Variants in TMEM132A observed in about 807,000 individuals in gnomAD.
TMEM132A encodes transmembrane protein 132A, also known as GRP78-binding protein.
Under a neutral mutation model 69.9 loss-of-function variants are expected in TMEM132A, and 48 were observed. That is an observed-to-expected ratio of 0.69 (90% CI 0.55 to 0.87). The LOEUF is 0.87. Ranked by LOEUF, TMEM132A falls within the 40% of genes least tolerant of loss-of-function variation. The pLI is 0.00. For missense variants in TMEM132A, 1,287 were observed against 1,407.2 expected (o/e 0.91, Z 1.37); for synonymous variants, 577 against 613.7 (o/e 0.94, Z 0.88).
chr11:60,931,104 G>C lies in TMEM132A; in HGVS notation c.1016+445G>C, dbSNP rs548759300. Among the ~76,000 whole-genome samples the C allele has an allele frequency of 2.0e-5, 3 of 152,310 alleles. No homozygotes were observed. In the East Asian group the frequency reaches 5.8e-4, roughly 29 times the overall value. On this transcript the variant is annotated intron_variant, in intron 5 of 10. Coordinates refer to ENST00000453848, the MANE Select transcript of TMEM132A (RefSeq NM_178031.3). ...ACTCAGTAGCCCCAGTTCGAATTCT[G>C]GTTCTGATGCTTTTGGGATGGGCAA...
In TMEM132A at chr11:60,927,438, G is replaced by A; in HGVS notation, c.315+20G>A. The stretch of plus-strand genomic sequence containing the variant: ...CAGCAGGTAAGGAGGGGGCACCGGG[G>A]ACTCTCAGGCTAACAGGACTCAGGG... On this transcript the variant is annotated intron_variant, in intron 2 of 10. Transcript: ENST00000453848. 6.2e-7 allele frequency: 1 copy of A among 1,600,012 alleles called. No individual in the cohort carries two copies. The highest frequency in any genetic ancestry group is 8.5e-7 in the Non-Finnish European group (1 of 1,172,424).
intron 7 of TMEM132A, chr11:60,932,982 T>C (rs1388946313): frequency 6.6e-6 from 1 of 152,288 alleles, no homozygotes; most frequent in Non-Finnish European, 1.5e-5. Flanking sequence ...AAGACTGGTA[T>C]GCAATGGCCA....
intron 7 of TMEM132A, 107 bp from the exon 8 acceptor site, chr11:60,933,435 C>T (rs926028767): frequency 5.7e-6 from 5 of 880,532 alleles, no homozygotes; most frequent in Middle Eastern, 3.5e-4. Context: ...CCACCCACCT[C>T]GGCCTCTCAG....
intron 8 of TMEM132A, chr11:60,934,212 G>C (rs1016233218): frequency 7.6e-6 from 3 of 394,760 alleles, no homozygotes; most frequent in South Asian, 8.2e-5. Context: ...GAGAGTGAGC[G>C]CCCCCAGGGT....
intron 8 of TMEM132A, 105 bp from the exon 9 acceptor site, chr11:60,934,383 G>A (rs1856544410): frequency 1.3e-5 from 14 of 1,089,820 alleles, no homozygotes; most frequent in Non-Finnish European, 1.7e-5. Context: ...AGCTGCTGGT[G>A]ATTAGGAGCC....
chr11:60,934,485 C>T lies in TMEM132A; in HGVS notation c.1560-3C>T. ...GGCCAGTCCCGGCCTCCCCGCCCTG[C>T]AGGCCTGCGGAACCCGCTGCAGAGG... On this transcript the variant is annotated splice_region_variant and splice_polypyrimidine_tract_variant and intron_variant, in intron 8 of 10. Coordinates refer to ENST00000453848, the MANE Select transcript of TMEM132A (RefSeq NM_178031.3). The T allele has an allele frequency of 7.2e-7, 1 of 1,380,034 alleles. No individual in the cohort carries two copies. The highest frequency in any genetic ancestry group is 9.3e-7 in the Non-Finnish European group (1 of 1,074,418). 85.5% of individuals were successfully genotyped at this position (1,380,034 alleles called of 1,614,324 possible).
At chr11:60,934,973 G>T (rs1856556940) in intron 9 of TMEM132A, among the ~76,000 whole-genome samples, 1 of 152,206 alleles carries the variant, frequency 6.6e-6, no homozygotes, top group Admixed American at 6.5e-5. Flanking sequence ...AAGGGCTGAG[G>T]TGTGGGTAGT....
chr11:60,927,388 G>A lies in TMEM132A; in HGVS notation c.285G>A (p.Arg95=). 6.2e-7 allele frequency: 1 copy of A among 1,613,206 alleles called. No homozygotes were observed. The highest frequency in any genetic ancestry group is 8.5e-7 in the Non-Finnish European group (1 of 1,179,828). ...GGCCCAGGGCCCAGCCACTTCTCCGGGCCTCCTACCCACCTTTTGCCACTC... is the reference window on the plus strand; with the variant it reads ...GGCCCAGGGCCCAGCCACTTCTCCGAGCCTCCTACCCACCTTTTGCCACTC... ...QPWPRAQPLL[R]ASYPPFATQQ... The change falls in exon 2 of 11, where the codon CGG becomes CGA. Residue 95 remains arginine, a synonymous_variant. Transcript: ENST00000453848.
rs1856450128 is a variant in TMEM132A at position 60,930,432 on chromosome 11, C to A, written c.867-78C>A. On this transcript the variant is annotated intron_variant, in intron 4 of 10. Coordinates refer to ENST00000453848, the MANE Select transcript of TMEM132A (RefSeq NM_178031.3). ...AGCCAGGGAGGTCAGATGGCTTTGG[C>A]TCCTTGTCTTTCCCCTTCAATCCAG... 4 of 1,479,760 alleles carry A rather than the reference C, an allele frequency of 2.7e-6. No individual in the cohort carries two copies. The South Asian group carries it at 5.5e-5, about 20-fold the overall frequency. 91.7% of individuals were successfully genotyped at this position (1,479,760 alleles called of 1,614,324 possible).
At chr11:60,931,212 A>G (rs376507371) in intron 5 of TMEM132A, among the ~76,000 whole-genome samples, 20 of 152,366 alleles carry the variant, frequency 1.3e-4, no homozygotes, top group African/African-American at 4.6e-4. Context: ...TGCATCCCTT[A>G]GCATTTTTGA....
Position 60,935,206 on chromosome 11 carries a change from T to A in TMEM132A, c.1837-46T>A. 2.0e-6 allele frequency: 3 copies of A among 1,536,784 alleles called. No homozygotes were observed. The highest frequency in any genetic ancestry group is 1.8e-6 in the Non-Finnish European group (2 of 1,131,084). ...CACCCGGTTCCCTCTGGGTGGGGGCTGTCTGTATGGAAGGCCCCCCACCTC... is the reference window on the plus strand; with the variant it reads ...CACCCGGTTCCCTCTGGGTGGGGGCAGTCTGTATGGAAGGCCCCCCACCTC... On this transcript the variant is annotated intron_variant, in intron 9 of 10. Coordinates refer to ENST00000453848, the MANE Select transcript of TMEM132A (RefSeq NM_178031.3). This position sits in a 1 kb window ranked among gnomAD's most constrained non-coding sequence, Gnocchi z 5.0.
intron 7 of TMEM132A, 199 bp from the exon 8 acceptor site, chr11:60,933,343 C>G (rs960263310): frequency 1.7e-6 from 1 of 584,948 alleles, no homozygotes; most frequent in African/African-American, 1.9e-5. Context: ...CCACCACACC[C>G]GGCTGATTTA....
rs751189846 is a variant in TMEM132A at position 60,935,846 on chromosome 11, T to C, written c.2029-18T>C. 3.7e-6 allele frequency: 6 copies of C among 1,610,268 alleles called. No homozygotes were observed. The highest frequency in any genetic ancestry group is 2.5e-6 in the Non-Finnish European group (3 of 1,179,212). Reference sequence around the variant, plus strand: ...GCGTGCCCTCGCATGTCTCTGCCTGTGTCTGTGTGCCCCACAGGAGGTGGC... The same window carrying C: ...GCGTGCCCTCGCATGTCTCTGCCTGCGTCTGTGTGCCCCACAGGAGGTGGC... On this transcript the variant is annotated intron_variant, in intron 10 of 10. Transcript: ENST00000453848. The surrounding 1 kb of genome is among the most constrained non-coding windows in gnomAD (Gnocchi z 5.0).
rs1289280469 is a variant in TMEM132A at position 60,930,574 on chromosome 11, G to T, written c.931G>T (p.Ala311Ser). The T allele has an allele frequency of 6.2e-7, 1 of 1,613,436 alleles. No homozygotes were observed. The highest frequency in any genetic ancestry group is 2.2e-5 in the East Asian group (1 of 44,840). The change falls in exon 5 of 11, where the codon GCC becomes TCC. Residue 311 changes from alanine (A) to serine (S), a missense_variant. Ala to Ser is a moderately conservative substitution (Grantham distance 99). Transcript: ENST00000453848. The stretch of plus-strand genomic sequence containing the variant: ...CCCAGCCCAGCCCACACTCTGGACT[G>T]CCAAGCTGGACCGCTTCAAGGGCTC... ...ARPAQPTLWTAKLDRFKGSRH... is the reference protein window; with the variant it reads ...ARPAQPTLWTSKLDRFKGSRH...
chr11:60,924,549 G>C lies in TMEM132A; in HGVS notation c.-85G>C, dbSNP rs983024867. ...GCCGGGACCCAGCGGGCCAGGTGGG[G>C]ACGGCGCGGAGCGGGTGCGGGAGAT... On this transcript the variant is annotated 5_prime_UTR_variant, in exon 1 of 11. Coordinates refer to ENST00000453848, the MANE Select transcript of TMEM132A (RefSeq NM_178031.3). 1 of 1,154,738 alleles carries C rather than the reference G, an allele frequency of 8.7e-7. No individual in the cohort carries two copies. The highest frequency in any genetic ancestry group is 1.5e-5 in the South Asian group (1 of 65,860). 71.5% of individuals were successfully genotyped at this position (1,154,738 alleles called of 1,614,324 possible). A position where few individuals can be genotyped will look rare whatever the true frequency, so the allele number is the denominator to read the frequency against.
chr11:60,933,350 T>G, intron 7 of TMEM132A, 192 bp from the exon 8 acceptor site: 176 of 550,758 alleles, frequency 3.2e-4, no homozygotes, highest in Middle Eastern at 9.7e-4. Context: ...ACCCGGCTGA[T>G]TTATTGTATT....
intron 7 of TMEM132A, 45 bp from the exon 8 acceptor site, chr11:60,933,497 T>A: frequency 6.5e-7 from 1 of 1,546,626 alleles, no homozygotes; most frequent in Non-Finnish European, 8.8e-7. Context: ...CTCACACCTG[T>A]CTTTAGTGGC....
intron 8 of TMEM132A, 76 bp downstream of exon 8, chr11:60,933,820 A>G: frequency 1.5e-6 from 2 of 1,374,338 alleles, no homozygotes; most frequent in Non-Finnish European, 9.8e-7. Flanking sequence ...GGACACAGCC[A>G]TGGGCCCAAG....
At chr11:60,933,766 C>G (rs1454084767) in intron 8 of TMEM132A, 22 bp downstream of exon 8, 13 of 1,545,322 alleles carry the variant, frequency 8.4e-6, no homozygotes, top group Non-Finnish European at 1.1e-5. Context: ...CCTGAGGAAG[C>G]TGGCAGGCCT....
Sources: allele counts gnomAD v4.1 joint callset (sites outside exome capture counted in the v4.1 genomes callset), GRCh38; gene constraint gnomAD v4.1.1; non-coding constraint Gnocchi (gnomAD v3.1); transcripts MANE v1.5; gene names NCBI Gene and HGNC (gene_info 2026-07-23, HGNC 2026-07-21).